PTPRN2: variants seen among roughly 807,000 people sequenced by gnomAD.
PTPRN2 encodes protein tyrosine phosphatase receptor type N2.
PTPRN2 carries 74 observed loss-of-function variants against 118.8 expected under a neutral mutation model. The observed-to-expected ratio is 0.62, with a 90% CI of 0.52 to 0.76. PTPRN2 has a LOEUF of 0.76. Among genes scored for constraint, PTPRN2 ranks in the 30% least tolerant of loss-of-function variants. The pLI, the probability that PTPRN2 is intolerant of heterozygous loss-of-function variation, is 0.00. For synonymous variants in PTPRN2, 641 were observed against 608.0 expected (o/e 1.05, Z -0.80); for missense variants, 1,481 against 1,394.4 (o/e 1.06, Z -0.99).
At chr7:157,823,048 A>G (rs1472849239) in intron 12 of PTPRN2, among the ~76,000 whole-genome samples, 1 of 151,746 alleles carries the variant, frequency 6.6e-6, no homozygotes, top group Non-Finnish European at 1.5e-5. Context: ...CCATCCTTCT[A>G]TCCACTCATC....
At chr7:157,973,389 G>T (rs887754062) in intron 11 of PTPRN2, among the ~76,000 whole-genome samples, 1 of 152,216 alleles carries the variant, frequency 6.6e-6, no homozygotes, top group Non-Finnish European at 1.5e-5. Context: ...GAAATAACAG[G>T]GGGTAGGCTC....
chr7:158,009,555 TTAA>T (rs1467439850), intron 11 of PTPRN2, among the ~76,000 whole-genome samples: 9 of 152,348 alleles, frequency 5.9e-5, no homozygotes, highest in Non-Finnish European at 1.5e-5. Flanking sequence ...GCCAGGATTC[TTAA>T]TAATTGGATA....
At chr7:158,235,052 G>A (rs559437924) in intron 3 of PTPRN2, among the ~76,000 whole-genome samples, 2 of 152,310 alleles carry the variant, frequency 1.3e-5, no homozygotes, top group South Asian at 2.1e-4. Flanking sequence ...ATGAGCCACC[G>A]GGCCTGGCCC....
chr7:158,270,788 T>TCCACCTGGACCACCCC (rs1798305898), intron 3 of PTPRN2, among the ~76,000 whole-genome samples: 1 of 14,858 alleles, frequency 6.7e-5, no homozygotes, highest in African/African-American at 4.2e-4. Flanking sequence ...GGACCACCCC[T>TCCACCTGGACCACCCC]CCACCTGGAC....
At chr7:158,446,090 C>T (rs1817708546) in intron 2 of PTPRN2, among the ~76,000 whole-genome samples, 1 of 152,192 alleles carries the variant, frequency 6.6e-6, no homozygotes, top group African/African-American at 2.4e-5. Context: ...TGCCCCAGCA[C>T]CCCAGGCTCC....
rs1181593595 is a variant in PTPRN2, at chr7:158,415,008, C to T, written c.163+74727G>A. On this transcript the variant is annotated intron_variant, in intron 2 of 22. Coordinates refer to ENST00000389418, the MANE Select transcript of PTPRN2 (RefSeq NM_002847.5). ...ACAACCAGCTACTTTCCTGATGATA[C>T]AACCAGCTACTTTCCTGATGATACA... 2.0e-5 allele frequency among the ~76,000 whole-genome samples: 3 copies of T among 151,468 alleles called. 1 individual carries two copies. The highest frequency in any genetic ancestry group is 7.3e-5 in the African/African-American group (3 of 41,226).
chr7:157,743,960 G>A (rs916796028), intron 12 of PTPRN2, among the ~76,000 whole-genome samples: 1 of 152,242 alleles, frequency 6.6e-6, no homozygotes, highest in Non-Finnish European at 1.5e-5. Flanking sequence ...TGCATGTGTC[G>A]TGGTGGGAGC....
chr7:158,524,073 G>C (rs1824546059), intron 1 of PTPRN2, among the ~76,000 whole-genome samples: 1 of 107,820 alleles, frequency 9.3e-6, no homozygotes, highest in African/African-American at 3.9e-5. Context: ...CTGCCCTGGA[G>C]TGGAGTCATC....
chr7:158,304,460 C>G (rs772670077), intron 3 of PTPRN2, among the ~76,000 whole-genome samples: 44 of 145,604 alleles, frequency 3.0e-4, no homozygotes, highest in African/African-American at 8.4e-4. Flanking sequence ...CCCGTCAATA[C>G]ACTAAGATGT....
At position 157,571,454 on chromosome 7, in the gene PTPRN2, T is replaced by A; in HGVS notation, c.2823A>T (p.Ile941=). 6.2e-7 allele frequency: 1 copy of A among 1,609,750 alleles called. No individual in the cohort carries two copies. The highest frequency in any genetic ancestry group is 8.5e-7 in the Non-Finnish European group (1 of 1,177,984). The change falls in exon 20 of 23, where the codon ATA becomes ATT. Residue 941 remains isoleucine (I), a synonymous_variant. Transcript: ENST00000389418. ...NKCYRGRSCP[I]IVHCSDGAGR... is the part of the protein sequence containing the mutation. ...GTTGTACTTGCCTGCAATGAACAATTATTGGACAAGAACGGCCCCTGTAGC... is the reference window on the plus strand; with the variant it reads ...GTTGTACTTGCCTGCAATGAACAATAATTGGACAAGAACGGCCCCTGTAGC...
At chr7:157,725,466 GAGCCAGACCC>G (rs1799513351) in intron 12 of PTPRN2, among the ~76,000 whole-genome samples, 2 of 90,912 alleles carry the variant, frequency 2.2e-5, no homozygotes, top group Admixed American at 1.1e-4. Flanking sequence ...GCAGAGGAGT[GAGCCAGACCC>G]TCACCTCCCA....
chr7:157,744,240 G>A (rs977011093), intron 12 of PTPRN2, among the ~76,000 whole-genome samples: 3 of 152,208 alleles, frequency 2.0e-5, no homozygotes, highest in African/African-American at 7.2e-5. Context: ...CGTGATGCTG[G>A]GGTGGGCTGG....
chr7:158,256,961 G>A lies in PTPRN2; in HGVS notation c.278-51688C>T, dbSNP rs569288459. Among the ~76,000 whole-genome samples, 9 of 152,210 alleles carry A rather than the reference G, an allele frequency of 5.9e-5. No homozygotes were observed. In the South Asian group the frequency reaches 1.2e-3, roughly 21 times the overall value. On this transcript the variant is annotated intron_variant, in intron 3 of 22. Coordinates refer to ENST00000389418, the MANE Select transcript of PTPRN2 (RefSeq NM_002847.5). ...TCCTTCAAGCTACCAGCTTTTTGCC[G>A]TCTGGGAGCTTGGGTTTCAGAAGAT...
chr7:157,717,038 C>T (rs7800511), intron 12 of PTPRN2, among the ~76,000 whole-genome samples: 15,438 of 64,312 alleles, frequency 0.24, 3,221 homozygotes, highest in African/African-American at 0.5. Context: ...GTAGACTCTG[C>T]GGGAACACTG....
At chr7:158,586,329 T>C (rs1446687252) in intron 1 of PTPRN2, among the ~76,000 whole-genome samples, 2 of 152,136 alleles carry the variant, frequency 1.3e-5, no homozygotes, top group Non-Finnish European at 2.9e-5. Flanking sequence ...AGTTTTTGTT[T>C]GTTTGGGATT....
At position 158,407,148 on chromosome 7, in the gene PTPRN2, C is replaced by CCGGG. The variant is rs1813533605; in HGVS notation, c.163+82586_163+82587insCCCG. ...GGTCCTGGGTCCTGCGTCCTGCGTCCTGGGTCCTGGGTCCTGGGTCCTGCG... is the reference window on the plus strand; with the variant it reads ...GGTCCTGGGTCCTGCGTCCTGCGTCCCGGGTGGGTCCTGGGTCCTGGGTCCTGCG... On this transcript the variant is annotated intron_variant, in intron 2 of 22. Coordinates refer to ENST00000389418, the MANE Select transcript of PTPRN2 (RefSeq NM_002847.5). 4.1e-5 allele frequency among the ~76,000 whole-genome samples: 5 copies of CCGGG among 121,514 alleles called. No individual in the cohort carries two copies. The East Asian group carries it at 1.0e-3, about 25-fold the overall frequency. 79.7% of individuals were successfully genotyped at this position (121,514 alleles called of 152,430 possible).
chr7:157,544,958 G>A (rs1411174087), intron 22 of PTPRN2, among the ~76,000 whole-genome samples: 3 of 150,862 alleles, frequency 2.0e-5, no homozygotes, highest in African/African-American at 7.3e-5. Context: ...GTGTGGATGT[G>A]TGTGGGGGTG....
At chr7:157,879,466 T>C (rs910599904) in intron 12 of PTPRN2, among the ~76,000 whole-genome samples, 1 of 152,252 alleles carries the variant, frequency 6.6e-6, no homozygotes. Context: ...CTTTTTAAAA[T>C]CATACATATT....
chr7:158,357,821 G>C (rs1208073846), intron 2 of PTPRN2, among the ~76,000 whole-genome samples: 1 of 152,182 alleles, frequency 6.6e-6, no homozygotes, highest in Non-Finnish European at 1.5e-5. Context: ...TGTCCCATTG[G>C]GACAGTGGCG....
Sources: allele counts gnomAD v4.1 joint callset (sites outside exome capture counted in the v4.1 genomes callset), GRCh38; gene constraint gnomAD v4.1.1; transcripts MANE v1.5; gene names NCBI Gene and HGNC (gene_info 2026-07-23, HGNC 2026-07-21).